The following ROBO1 variants were observed in gnomAD, a reference collection of about 807,000 sequenced individuals.
ROBO1 encodes roundabout homolog 1.
ROBO1 carries 149 observed loss-of-function variants against 195.9 expected under a neutral mutation model. The ratio of observed to expected loss-of-function variants is 0.76; its 90% CI spans 0.67 to 0.87. The LOEUF is 0.87. ROBO1 is among the 40% of genes least tolerant of loss of function. The pLI is 0.00. For synonymous variants in ROBO1, 816 were observed against 733.2 expected, an observed-to-expected ratio of 1.11 and a Z score of -1.82; for missense variants, 1,933 against 2,068.3, an observed-to-expected ratio of 0.93 and a Z score of 1.27.
In ROBO1 at chr3:78,746,797, G is replaced by A. The variant is rs775228432; in HGVS notation, c.603C>T (p.Thr201=). ...GAGAGCCATCTTTCTTCCATGAAAT[G>A]GTGGGCTCAGGATGGCCTCGTGGAG... The part of the protein sequence containing the change: ...CQPPRGHPEP[T]ISWKKDGSPL... The change falls in exon 5 of 31, where the codon ACC becomes ACT. Residue 201 remains threonine (T), a synonymous_variant. Transcript: ENST00000464233. 1.3e-6 allele frequency: 2 copies of A among 1,583,946 alleles called. No individual in the cohort carries two copies. Among genetic ancestry groups the A allele is most frequent in the Non-Finnish European group, 1.7e-6 (2 of 1,159,970 alleles).
intron 4 of ROBO1, among the ~76,000 whole-genome samples, chr3:78,864,508 A>G (rs2035043953): frequency 6.6e-6 from 1 of 152,194 alleles, no homozygotes; most frequent in African/African-American, 2.4e-5. Flanking sequence ...CTTTTTACAA[A>G]GCAATGCATA....
chr3:78,672,223 TC>T (rs1708103791), intron 10 of ROBO1, among the ~76,000 whole-genome samples: 1 of 150,480 alleles, frequency 6.6e-6, no homozygotes, highest in Non-Finnish European at 1.5e-5. Context: ...TACTGTAGTA[TC>T]ACTAGTGTCC....
Position 78,668,260 on chromosome 3 carries a change from T to C in ROBO1, c.1673A>G (p.Asn558Ser). 2 of 1,613,880 alleles carry C rather than the reference T, an allele frequency of 1.2e-6. No individual in the cohort carries two copies. Among genetic ancestry groups the C allele is most frequent in the Non-Finnish European group, 1.7e-6 (2 of 1,179,820 alleles). The change falls in exon 13 of 31, where the codon AAT (asparagine) becomes AGT (serine). Residue 558 changes from asparagine to serine, a missense_variant. Coordinates refer to ENST00000464233, the MANE Select transcript of ROBO1 (RefSeq NM_002941.4). Reference protein sequence around the residue: ...PVQPPRPTDPNLIPSAPSKPE... With the variant: ...PVQPPRPTDPSLIPSAPSKPE... Reference sequence around the variant, plus strand: ...TTTTGATGGGGCACTAGGGATTAAATTTGGGTCAGTAGGTCTTGGAGGCTG... The same window carrying C: ...TTTTGATGGGGCACTAGGGATTAAACTTGGGTCAGTAGGTCTTGGAGGCTG...
At position 79,473,318 on chromosome 3, in the gene ROBO1, G is replaced by A. The variant is rs368854546; in HGVS notation, c.88+116506C>T. On this transcript the variant is annotated intron_variant, in intron 2 of 30. Coordinates refer to ENST00000464233, the MANE Select transcript of ROBO1 (RefSeq NM_002941.4). Reference sequence around the variant, plus strand: ...ATGCGAAGGGTTGCCAGCAGCCACTGGAAACTAGGAGAGAGCCATGAAGTA... The same window carrying A: ...ATGCGAAGGGTTGCCAGCAGCCACTAGAAACTAGGAGAGAGCCATGAAGTA... 4.6e-5 allele frequency among the ~76,000 whole-genome samples: 7 copies of A among 152,200 alleles called. No homozygotes were observed. The South Asian group carries it at 1.5e-3, about 32-fold the overall frequency.
intron 2 of ROBO1, among the ~76,000 whole-genome samples, chr3:79,454,677 T>C (rs114306363): frequency 0.025 from 3,836 of 152,232 alleles, 140 homozygotes; most frequent in Admixed American, 0.11. Context: ...TGGATACTTT[T>C]TTCTTAAACT....
chr3:79,004,341 T>G (rs1174717472), intron 3 of ROBO1, among the ~76,000 whole-genome samples: 1 of 152,176 alleles, frequency 6.6e-6, no homozygotes, highest in Non-Finnish European at 1.5e-5. Context: ...ATAACTCCTG[T>G]CAAAGCAAAG....
intron 25 of ROBO1, 86 bp from the exon 26 acceptor site, chr3:78,627,655 T>C (rs1476198731): frequency 7.2e-7 from 1 of 1,392,636 alleles, no homozygotes; most frequent in East Asian, 2.4e-5. Flanking sequence ...ACCTTTAAAT[T>C]GTTTTTCAAA....
intron 3 of ROBO1, among the ~76,000 whole-genome samples, chr3:79,076,461 A>T (rs1456327293): frequency 6.6e-6 from 1 of 151,548 alleles, no homozygotes; most frequent in Admixed American, 6.6e-5. Flanking sequence ...GAATGGGGAA[A>T]CTAAATTTTA....
At chr3:79,220,738 G>C (rs1427738822) in intron 2 of ROBO1, among the ~76,000 whole-genome samples, 2 of 151,980 alleles carry the variant, frequency 1.3e-5, no homozygotes, top group Non-Finnish European at 2.9e-5. Context: ...ACATAAAATA[G>C]ATTCTCCTTT....
At chr3:79,115,614 C>T (rs1173428043) in intron 3 of ROBO1, among the ~76,000 whole-genome samples, 2 of 152,040 alleles carry the variant, frequency 1.3e-5, no homozygotes, top group Non-Finnish European at 2.9e-5. Flanking sequence ...GCCTATAGCC[C>T]AGTCTGCTCA....
chr3:78,902,794 A>G (rs1349524758), intron 4 of ROBO1, among the ~76,000 whole-genome samples: 1 of 152,182 alleles, frequency 6.6e-6, no homozygotes, highest in African/African-American at 2.4e-5. Context: ...CAGTGAGCCC[A>G]GATCGTGCCA....
At chr3:78,629,412 G>A (rs1705035706) in intron 25 of ROBO1, among the ~76,000 whole-genome samples, 1 of 152,148 alleles carries the variant, frequency 6.6e-6, no homozygotes, top group Non-Finnish European at 1.5e-5. Flanking sequence ...TTCAGGCCAA[G>A]TGGAATGGCT....
At chr3:79,306,258 G>A (rs1170811534) in intron 2 of ROBO1, among the ~76,000 whole-genome samples, 1 of 152,182 alleles carries the variant, frequency 6.6e-6, no homozygotes, top group African/African-American at 2.4e-5. Context: ...ACAGAGTGTG[G>A]TGATGGAAGG....
chr3:79,165,889 G>A (rs529364396), intron 2 of ROBO1, among the ~76,000 whole-genome samples: 6 of 152,110 alleles, frequency 3.9e-5, no homozygotes, highest in African/African-American at 7.2e-5. Context: ...GAATTGTCCC[G>A]GATAATGTGA....
At chr3:78,682,686 TAC>T (rs1324777625) in intron 10 of ROBO1, among the ~76,000 whole-genome samples, 2 of 147,680 alleles carry the variant, frequency 1.4e-5, no homozygotes, top group Non-Finnish European at 3.0e-5. Context: ...CACGTATATA[TAC>T]ACACAGTAAT....
chr3:78,987,797 A>T (rs2077145008), intron 3 of ROBO1, among the ~76,000 whole-genome samples: 1 of 152,108 alleles, frequency 6.6e-6, no homozygotes, highest in East Asian at 1.9e-4. Context: ...GAAATGTGTG[A>T]GGTGATGGAT....
intron 3 of ROBO1, among the ~76,000 whole-genome samples, chr3:78,949,804 C>T (rs2040672159): frequency 6.6e-6 from 1 of 152,038 alleles, no homozygotes; most frequent in African/African-American, 2.4e-5. Context: ...TGAACTCCAA[C>T]AAATTTACAA....
chr3:78,671,977 T>C (rs1267561417), intron 10 of ROBO1, among the ~76,000 whole-genome samples: 1 of 152,174 alleles, frequency 6.6e-6, no homozygotes. Context: ...TAATTTACAA[T>C]GTATACTTAA....
At chr3:78,856,255 G>T (rs1393994856) in intron 4 of ROBO1, among the ~76,000 whole-genome samples, 1 of 135,218 alleles carries the variant, frequency 7.4e-6, no homozygotes, top group African/African-American at 2.7e-5. Flanking sequence ...AACTTGAGAG[G>T]TACATTTAAC....
Sources: allele counts gnomAD v4.1 joint callset (sites outside exome capture counted in the v4.1 genomes callset), GRCh38; gene constraint gnomAD v4.1.1; transcripts MANE v1.5; gene names NCBI Gene and HGNC (gene_info 2026-07-23, HGNC 2026-07-21).